SETD1A: variants seen among roughly 807,000 people sequenced by gnomAD.
The protein encoded by SETD1A is SET domain containing 1A, histone lysine methyltransferase.
SETD1A carries 29 observed loss-of-function variants against 149.9 expected under a neutral mutation model. The observed-to-expected ratio is 0.19, with a 90% CI of 0.14 to 0.26. The LOEUF (loss-of-function observed/expected upper bound fraction) is 0.26, where lower values mean the gene tolerates loss of function less well. SETD1A is among the 10% of genes least tolerant of loss of function. SETD1A has a pLI of 1.00. For missense variants in SETD1A, 2,109 were observed against 2,353.1 expected (o/e 0.90, Z 2.15); for synonymous variants, 1,141 against 968.5 (o/e 1.18, Z -3.31).
rs747056798 is a variant in SETD1A at position 30,979,235 on chromosome 16, G to A, written c.3449G>A (p.Arg1150His). Residue 1150 changes from arginine to histidine, a missense_variant, in exon 14 of 19, where the codon CGT (arginine) becomes CAT (histidine). By Grantham distance (29) the Arg-to-His change is conservative. Transcript: ENST00000262519. ...GCCCCTGCCCCACGCCCCGATGAGC[G>A]TCCCTCTTCTCCCATCCCCCTCCTG... The part of the protein sequence containing the change: ...PPAPAPRPDE[R>H]PSSPIPLLPP... 23 of 1,586,752 alleles carry A rather than the reference G, an allele frequency of 1.4e-5. No individual in the cohort carries two copies. The highest frequency in any genetic ancestry group is 2.7e-5 in the African/African-American group (2 of 73,036).
At chr16:30,982,331 T>C (rs2056389371) in intron 17 of SETD1A, among the ~76,000 whole-genome samples, 1 of 151,368 alleles carries the variant, frequency 6.6e-6, no homozygotes, top group Non-Finnish European at 1.5e-5. Flanking sequence ...TAAAACCCCG[T>C]CTCTACTAAA....
At position 30,980,725 on chromosome 16, in the gene SETD1A, CGT is replaced by C; in HGVS notation, c.4582-9_4582-8del. 17 of 1,611,766 alleles carry C rather than the reference CGT, an allele frequency of 1.1e-5. No individual in the cohort carries two copies. Among genetic ancestry groups the C allele is most frequent in the Non-Finnish European group, 1.4e-5 (16 of 1,179,346 alleles). Reference sequence around the variant, plus strand: ...CCTGCCCTGCTCACCTCCTCCCTGCCGTGTGTCTCACAGGGGACGAACCGCGT... The same window carrying C: ...CCTGCCCTGCTCACCTCCTCCCTGCCGTGTCTCACAGGGGACGAACCGCGT... On this transcript the variant is annotated splice_polypyrimidine_tract_variant and intron_variant, in intron 15 of 18. Coordinates refer to ENST00000262519, the MANE Select transcript of SETD1A (RefSeq NM_014712.3). The surrounding 1 kb of genome is among the most constrained non-coding windows in gnomAD (Gnocchi z 7.7).
At chr16:30,979,016 C>T (rs1345948376) in intron 13 of SETD1A, 129 bp from the exon 14 acceptor site, 5 of 887,246 alleles carry the variant, frequency 5.6e-6, no homozygotes, top group South Asian at 5.3e-5. Flanking sequence ...GAGGCCAGGG[C>T]GTCTGTGTTC....
At position 30,983,830 on chromosome 16, in the gene SETD1A, A is replaced by T. The variant is rs1198171518; in HGVS notation, c.4951-20A>T. 1 of 1,610,726 alleles carries T rather than the reference A, an allele frequency of 6.2e-7. No individual in the cohort carries two copies. Among genetic ancestry groups the T allele is most frequent in the Non-Finnish European group, 8.5e-7 (1 of 1,178,012 alleles). ...GGGTCGGTGGGGGTGGCCACGGCTC[A>T]CACGCCCTTCCATCCGCAGCCTAAC... is the stretch of plus-strand genomic sequence containing the variant. On this transcript the variant is annotated intron_variant, in intron 18 of 18. Transcript: ENST00000262519. This position sits in a 1 kb window ranked among gnomAD's most constrained non-coding sequence, Gnocchi z 6.8.
At chr16:30,963,581 C>T (rs1179628682) in intron 5 of SETD1A, 27 bp downstream of exon 5, 1 of 1,603,136 alleles carries the variant, frequency 6.2e-7, no homozygotes. Context: ...TACCACAGCC[C>T]CTAGCCATGT....
At chr16:30,966,775 G>A in intron 8 of SETD1A, 109 bp from the exon 9 acceptor site, 6 of 1,261,492 alleles carry the variant, frequency 4.8e-6, no homozygotes, top group Non-Finnish European at 6.4e-6. Flanking sequence ...CCAAGATATG[G>A]AGCAGCAAGT....
intron 4 of SETD1A, among the ~76,000 whole-genome samples, chr16:30,962,035 G>A (rs1284145350): frequency 6.7e-6 from 1 of 150,196 alleles, no homozygotes; most frequent in African/African-American, 2.5e-5. Context: ...CAGAGATGAA[G>A]TCTCACTACA....
In SETD1A at chr16:30,980,514, C is replaced by T. The variant is rs1172732077; in HGVS notation, c.4438C>T (p.Arg1480Trp). The T allele has an allele frequency of 2.5e-6, 4 of 1,613,970 alleles. No homozygotes were observed. Among genetic ancestry groups the T allele is most frequent in the Admixed American group, 1.7e-5 (1 of 60,008 alleles). Reference sequence around the variant, plus strand: ...CAACCTGACCACCCCAAAACGCAAGCGGCGGCCCCAGGATGGGCCCCGGGA... The same window carrying T: ...CAACCTGACCACCCCAAAACGCAAGTGGCGGCCCCAGGATGGGCCCCGGGA... Reference protein sequence around the residue: ...ITNLTTPKRKRRPQDGPREHQ... With the variant: ...ITNLTTPKRKWRPQDGPREHQ... The change falls in exon 15 of 19, where the codon CGG (arginine) becomes TGG (tryptophan). Residue 1480 changes from arginine (R) to tryptophan (W), a missense_variant. Coordinates refer to ENST00000262519, the MANE Select transcript of SETD1A (RefSeq NM_014712.3). The surrounding 1 kb of genome is among the most constrained non-coding windows in gnomAD (Gnocchi z 7.7).
Position 30,984,614 on chromosome 16 carries a change from C to T in SETD1A, c.*591C>T, listed in dbSNP as rs2143613863. The T allele has an allele frequency of 6.5e-6, 1 of 153,362 alleles. No homozygotes were observed. Among genetic ancestry groups the T allele is most frequent in the South Asian group, 2.1e-4 (1 of 4,844 alleles). 9.5% of individuals were successfully genotyped at this position (153,362 alleles called of 1,614,324 possible). ...CTGGACTGTACATATGTTAATAGCGCAAACCCGACGCCACATTTTTATAAT... is the reference window on the plus strand; with the variant it reads ...CTGGACTGTACATATGTTAATAGCGTAAACCCGACGCCACATTTTTATAAT... On this transcript the variant is annotated 3_prime_UTR_variant, in exon 19 of 19. Transcript: ENST00000262519.
In SETD1A at chr16:30,961,782, A is replaced by G. The variant is rs1305688582; in HGVS notation, c.517+245A>G. On this transcript the variant is annotated intron_variant, in intron 4 of 18. Transcript: ENST00000262519. This position sits in a 1 kb window ranked among gnomAD's most constrained non-coding sequence, Gnocchi z 4.0. ...ACATAACTATCTGTAAAAAAAAAAA[A>G]AAATCATATGAAGGGTTGTACTAGG... 6.6e-6 allele frequency among the ~76,000 whole-genome samples: 1 copy of G among 152,186 alleles called. No homozygotes were observed.
intron 13 of SETD1A, among the ~76,000 whole-genome samples, chr16:30,975,516 C>T (rs1336574853): frequency 1.3e-5 from 2 of 150,494 alleles, no homozygotes; most frequent in Non-Finnish European, 3.0e-5. Flanking sequence ...CTGCAACCTC[C>T]GCTTCCCGGG....
At position 30,979,770 on chromosome 16, in the gene SETD1A, C is replaced by T; in HGVS notation, c.3984C>T (p.Phe1328=). The part of the protein sequence containing the change: ...PEPVPAPAAL[F]SSPADEVLEA... Reference sequence around the variant, plus strand: ...CAGTGCCCGCACCCGCCGCCCTCTTCAGTTCCCCAGCTGATGAGGTCCTGG... The same window carrying T: ...CAGTGCCCGCACCCGCCGCCCTCTTTAGTTCCCCAGCTGATGAGGTCCTGG... The change falls in exon 14 of 19, where the codon TTC becomes TTT. Residue 1328 remains phenylalanine (F), a synonymous_variant. Transcript: ENST00000262519. 1 of 1,593,486 alleles carries T rather than the reference C, an allele frequency of 6.3e-7. No homozygotes were observed. Among genetic ancestry groups the T allele is most frequent in the Non-Finnish European group, 8.5e-7 (1 of 1,176,610 alleles).
At chr16:30,965,549 G>T (rs959905784) in intron 7 of SETD1A, 52 bp from the exon 8 acceptor site, 1 of 1,596,266 alleles carries the variant, frequency 6.3e-7, no homozygotes, top group Admixed American at 1.7e-5. Flanking sequence ...AGATGAGAAA[G>T]TAGGGCTTGG....
In SETD1A at chr16:30,983,237, GGA is replaced by G. The variant is rs1262038383; in HGVS notation, c.4813-392_4813-391del. On this transcript the variant is annotated intron_variant, in intron 17 of 18. Coordinates refer to ENST00000262519, the MANE Select transcript of SETD1A (RefSeq NM_014712.3). The surrounding 1 kb of genome is among the most constrained non-coding windows in gnomAD (Gnocchi z 6.8). ...GTGGCAGCCAACAGGTGCCTGTTTT[GGA>G]GAGAGGTCCAGGGAGGAGAGATGAG... is the stretch of plus-strand genomic sequence containing the variant. Among the ~76,000 whole-genome samples, 2 of 152,198 alleles carry G rather than the reference GGA, an allele frequency of 1.3e-5. No homozygotes were observed. The highest frequency in any genetic ancestry group is 4.8e-5 in the African/African-American group (2 of 41,454).
chr16:30,963,018 C>T (rs2056075539), intron 4 of SETD1A, among the ~76,000 whole-genome samples: 1 of 152,118 alleles, frequency 6.6e-6, no homozygotes, highest in Non-Finnish European at 1.5e-5. Context: ...TCCGTTAGTC[C>T]CCCGGTTGCT....
At position 30,979,088 on chromosome 16, in the gene SETD1A, G is replaced by A. The variant is rs1368747928; in HGVS notation, c.3359-57G>A. 2.0e-5 allele frequency: 30 copies of A among 1,476,996 alleles called. No individual in the cohort carries two copies. In the South Asian group the frequency reaches 2.6e-4, roughly 13 times the overall value. 91.5% of individuals were successfully genotyped at this position (1,476,996 alleles called of 1,614,324 possible). A position where few individuals can be genotyped will look rare whatever the true frequency, so the allele number is the denominator to read the frequency against. On this transcript the variant is annotated intron_variant, in intron 13 of 18. Transcript: ENST00000262519. ...ACAGCCTGTGGTCATGGGCGGCCAG[G>A]GTGGCTGAGCCTGGGTCTCCCTGAC...
At position 30,984,003 on chromosome 16, in the gene SETD1A, T is replaced by A; in HGVS notation, c.5104T>A (p.Cys1702Ser). 6.2e-7 allele frequency: 1 copy of A among 1,613,552 alleles called. No individual in the cohort carries two copies. ...KIPCLCGTES[C>S]RGSLN ...CCCGTGTCTGTGTGGCACAGAGAGC[T>A]GCCGGGGCTCCCTAAACTGAGGTGG... The change falls in exon 19 of 19, where the codon TGC becomes AGC. Residue 1702 changes from cysteine to serine, a missense_variant. Around this residue, in one of 8 missense-constraint regions of SETD1A, gnomAD observed 254 missense variants for 409.3 expected, o/e 0.62. Transcript: ENST00000262519.
At chr16:30,968,430 A>G (rs1450678057) in intron 10 of SETD1A, among the ~76,000 whole-genome samples, 1 of 151,422 alleles carries the variant, frequency 6.6e-6, no homozygotes, top group Non-Finnish European at 1.5e-5. Context: ...ATATATATAT[A>G]TATATGTACA....
Position 30,979,825 on chromosome 16 carries a change from G to C in SETD1A, c.4039G>C (p.Glu1347Gln), listed in dbSNP as rs993308630. The C allele has an allele frequency of 1.9e-6, 3 of 1,556,142 alleles. No individual in the cohort carries two copies. In the African/African-American group the frequency reaches 4.1e-5, roughly 21 times the overall value. Residue 1347 changes from glutamate (E) to glutamine (Q), a missense_variant, in exon 14 of 19, where the codon GAG (glutamate) becomes CAG (glutamine). Glu to Gln is a conservative substitution (Grantham distance 29). This residue lies in a region of SETD1A where 832 missense variants were observed against 815.6 expected (regional missense o/e 1.02). Transcript: ENST00000262519. ...CCCCGAGGTGGTGGTGGCTGAGGCG[G>C]AGGAGCCCAAGCCGCAGCAACTGCA... is the stretch of plus-strand genomic sequence containing the variant. Reference protein sequence around the residue: ...EAPEVVVAEAEEPKPQQLQQQ... With the variant: ...EAPEVVVAEAQEPKPQQLQQQ...
Sources: allele counts gnomAD v4.1 joint callset (sites outside exome capture counted in the v4.1 genomes callset), GRCh38; gene constraint gnomAD v4.1.1; regional missense constraint gnomAD v4.1.1; non-coding constraint Gnocchi (gnomAD v3.1); transcripts MANE v1.5; gene names NCBI Gene and HGNC (gene_info 2026-07-23, HGNC 2026-07-21).